The following SLC24A2 variants were observed in gnomAD, a reference collection of about 807,000 sequenced individuals.
The protein encoded by SLC24A2 is sodium/potassium/calcium exchanger 2.
SLC24A2 carries 36 observed loss-of-function variants against 62.0 expected under a neutral mutation model. The observed-to-expected ratio is 0.58, with a 90% CI of 0.44 to 0.77. SLC24A2 has a LOEUF of 0.77. Ranked by LOEUF, SLC24A2 falls within the 30% of genes least tolerant of loss-of-function variation. SLC24A2 has a pLI of 0.00. For missense variants in SLC24A2, 846 were observed against 817.9 expected (o/e 1.03, Z -0.42); for synonymous variants, 358 against 294.0 (o/e 1.22, Z -2.23).
At chr9:20,227,961 C>G in the SLC24A2 span, among the ~76,000 whole-genome samples, 1 of 152,148 alleles carries the variant, frequency 6.6e-6, no homozygotes, top group African/African-American at 2.4e-5. Flanking sequence ...GAGGCCAAGT[C>G]TGGACTCTCT....
chr9:19,966,833 C>G, the SLC24A2 span, among the ~76,000 whole-genome samples: 2 of 152,148 alleles, frequency 1.3e-5, no homozygotes, highest in African/African-American at 2.4e-5. Context: ...TCTTTCCTCT[C>G]AAGCAATTGA....
At chr9:19,554,559 T>C (rs920821236) in intron 7 of SLC24A2, among the ~76,000 whole-genome samples, 9 of 152,306 alleles carry the variant, frequency 5.9e-5, no homozygotes, top group African/African-American at 2.2e-4. Context: ...GAAAGCTTGC[T>C]TTTACCTAGG....
chr9:20,177,740 A>C, the SLC24A2 span, among the ~76,000 whole-genome samples: 1 of 152,176 alleles, frequency 6.6e-6, no homozygotes, highest in Non-Finnish European at 1.5e-5. Context: ...CATGCAAGAC[A>C]AGAAAACTAG....
At chr9:19,671,573 T>C (rs1256868266) in intron 2 of SLC24A2, among the ~76,000 whole-genome samples, 1 of 152,168 alleles carries the variant, frequency 6.6e-6, no homozygotes, top group Non-Finnish European at 1.5e-5. Context: ...TTGCTCTGGC[T>C]AGGTCTCCCA....
chr9:19,755,570 T>C (rs1379481008), intron 2 of SLC24A2, among the ~76,000 whole-genome samples: 1 of 150,860 alleles, frequency 6.6e-6, no homozygotes, highest in Admixed American at 6.6e-5. Context: ...ACAGCAAGAG[T>C]TGGCCAGGCC....
At chr9:20,280,591 T>TTTTTGTTTTTG in the SLC24A2 span, among the ~76,000 whole-genome samples, 1 of 152,042 alleles carries the variant, frequency 6.6e-6, no homozygotes, top group African/African-American at 2.4e-5. Context: ...AGGTTTTGGG[T>TTTTTGTTTTTG]TTATGGTTTC....
chr9:19,603,864 C>T (rs548832996), intron 4 of SLC24A2, among the ~76,000 whole-genome samples: 21 of 152,286 alleles, frequency 1.4e-4, no homozygotes, highest in Middle Eastern at 6.8e-3. Flanking sequence ...CTTTCAGAAC[C>T]CCGTTGAGGT....
intron 2 of SLC24A2, among the ~76,000 whole-genome samples, chr9:19,772,172 C>T (rs1052609669): frequency 1.3e-5 from 2 of 152,254 alleles, no homozygotes; most frequent in East Asian, 1.9e-4. Context: ...ATCCTGGGTC[C>T]AATGTTCAAG....
the SLC24A2 span, among the ~76,000 whole-genome samples, chr9:20,205,371 G>A: frequency 1.6e-4 from 25 of 152,086 alleles, no homozygotes; most frequent in African/African-American, 3.1e-4. Flanking sequence ...AGGTTAGGCC[G>A]GGCGCAATGG....
chr9:19,551,889 A>C (rs1416430046), intron 7 of SLC24A2, among the ~76,000 whole-genome samples: 1 of 152,220 alleles, frequency 6.6e-6, no homozygotes, highest in Non-Finnish European at 1.5e-5. Context: ...ATTTGAAATA[A>C]TAATTTAAAA....
At chr9:19,827,633 C>T in the SLC24A2 span, among the ~76,000 whole-genome samples, 1 of 151,854 alleles carries the variant, frequency 6.6e-6, no homozygotes, top group African/African-American at 2.4e-5. Context: ...CTGTGTTTTC[C>T]TTCTGTTCTA....
chr9:19,547,124 A>T (rs1165687069), intron 8 of SLC24A2, among the ~76,000 whole-genome samples: 1 of 152,194 alleles, frequency 6.6e-6, no homozygotes, highest in Non-Finnish European at 1.5e-5. Context: ...GCCAAGGCCC[A>T]GTGTTTGGCA....
chr9:20,132,386 T>C, the SLC24A2 span, among the ~76,000 whole-genome samples: 1 of 152,162 alleles, frequency 6.6e-6, no homozygotes, highest in African/African-American at 2.4e-5. Context: ...CACTATTGCA[T>C]CAAGAAATGC....
At chr9:19,953,231 G>C in the SLC24A2 span, among the ~76,000 whole-genome samples, 1 of 151,762 alleles carries the variant, frequency 6.6e-6, no homozygotes, top group Non-Finnish European at 1.5e-5. Flanking sequence ...TCTGTTGTTT[G>C]TCCATTCTCT....
rs1426104637 is a variant in SLC24A2, at chr9:19,513,173, T to TATATATATACATAC, written c.*2979_*2980insGTATGTATATATAT. The stretch of plus-strand genomic sequence containing the variant: ...ATAAAGATATATATATATATATATA[T>TATATATATACATAC]ATGTATATATATATATATGTATATA... On this transcript the variant is annotated 3_prime_UTR_variant, in exon 11 of 11. Coordinates refer to ENST00000341998, the MANE Select transcript of SLC24A2 (RefSeq NM_020344.4). 1 of 59,704 alleles carries TATATATATACATAC rather than the reference T, an allele frequency of 1.7e-5. No homozygotes were observed. Among genetic ancestry groups the TATATATATACATAC allele is most frequent in the African/African-American group, 6.5e-5 (1 of 15,430 alleles). 3.7% of individuals were successfully genotyped at this position (59,704 alleles called of 1,614,324 possible). A position where few individuals can be genotyped will look rare whatever the true frequency, so the allele number is the denominator to read the frequency against.
chr9:19,984,736 T>C, the SLC24A2 span, among the ~76,000 whole-genome samples: 1 of 152,120 alleles, frequency 6.6e-6, no homozygotes, highest in East Asian at 1.9e-4. Flanking sequence ...CAAATATTTA[T>C]AGCCAATTGA....
the SLC24A2 span, among the ~76,000 whole-genome samples, chr9:20,262,944 T>G: frequency 1.3e-5 from 2 of 152,216 alleles, no homozygotes; most frequent in African/African-American, 2.4e-5. Context: ...TTCTTCCCAA[T>G]GCTTGGCAGA....
the SLC24A2 span, among the ~76,000 whole-genome samples, chr9:19,876,365 CGTGTGTGTGTGTGT>C: frequency 2.1e-5 from 3 of 145,524 alleles, no homozygotes; most frequent in Non-Finnish European, 3.0e-5. Flanking sequence ...TTATTGAAGG[CGTGTGTGTGTGTGT>C]GTGTGTGTGT....
At chr9:20,125,751 G>A in the SLC24A2 span, among the ~76,000 whole-genome samples, 153 of 152,310 alleles carry the variant, frequency 1.0e-3, no homozygotes, top group Non-Finnish European at 2.1e-3. Context: ...AGTTCTGACT[G>A]TGGAAATTGG....
Sources: gnomAD v4.1 joint callset for allele counts (sites outside exome capture counted in the v4.1 genomes callset) on GRCh38, gnomAD v4.1.1 for gene constraint, MANE v1.5 for transcripts, NCBI Gene and HGNC (gene_info 2026-07-23, HGNC 2026-07-21) for gene names.